Variants in ELAPOR2 observed in about 807,000 individuals in gnomAD.
The protein encoded by ELAPOR2 is endosome/lysosome-associated apoptosis and autophagy regulator family member 2.
In ELAPOR2, 89 loss-of-function variants were observed where a neutral mutation model predicts 120.7. That is an observed-to-expected ratio of 0.74 (90% CI 0.62 to 0.88). The LOEUF is 0.88. Among genes scored for constraint, ELAPOR2 ranks in the 40% least tolerant of loss-of-function variants. ELAPOR2 has a pLI of 0.00. For missense variants in ELAPOR2, 1,134 were observed against 1,251.6 expected (o/e 0.91, Z 1.42); for synonymous variants, 444 against 444.9 (o/e 1.00, Z 0.03).
intron 21 of ELAPOR2, 51 bp from the exon 22 acceptor site, chr7:86,880,581 T>G: frequency 8.6e-7 from 1 of 1,167,850 alleles, no homozygotes; most frequent in South Asian, 1.2e-5. Context: ...TCTCGTAAGA[T>G]TTTAGGATCT....
At position 87,034,120 on chromosome 7, in the gene ELAPOR2, T is replaced by C. The variant is rs981621246; in HGVS notation, c.189+25205A>G. The stretch of plus-strand genomic sequence containing the variant: ...ACATAATATTACCATTTTGTAACCA[T>C]ATGTGTACACTGATAATGAAATACA... On this transcript the variant is annotated intron_variant, in intron 1 of 21. Coordinates refer to ENST00000450689, the MANE Select transcript of ELAPOR2 (RefSeq NM_001142749.3). Among the ~76,000 whole-genome samples, 18 of 152,270 alleles carry C rather than the reference T, an allele frequency of 1.2e-4. 1 individual carries two copies. The highest frequency in any genetic ancestry group is 3.8e-4 in the African/African-American group (16 of 41,578).
chr7:87,056,956 C>G (rs569817039), intron 1 of ELAPOR2, among the ~76,000 whole-genome samples: 25 of 152,356 alleles, frequency 1.6e-4, no homozygotes, highest in African/African-American at 6.0e-4. Flanking sequence ...TCAACATTCT[C>G]TCACATTGAG....
At chr7:87,021,417 T>C (rs551333001) in intron 1 of ELAPOR2, among the ~76,000 whole-genome samples, 2 of 152,256 alleles carry the variant, frequency 1.3e-5, no homozygotes, top group African/African-American at 2.4e-5. Context: ...ATCTCTTCCA[T>C]GTAAATAAAT....
At chr7:86,963,924 T>C (rs1791810961) in intron 2 of ELAPOR2, among the ~76,000 whole-genome samples, 1 of 152,220 alleles carries the variant, frequency 6.6e-6, no homozygotes, top group Non-Finnish European at 1.5e-5. Context: ...ATTAATATCA[T>C]TCACCAAGAA....
chr7:86,940,298 A>T (rs1387100477), intron 5 of ELAPOR2, among the ~76,000 whole-genome samples, 183 bp from the exon 6 acceptor site: 1 of 152,114 alleles, frequency 6.6e-6, no homozygotes, highest in Non-Finnish European at 1.5e-5. Context: ...AAAGAAAAAA[A>T]ATGGAGTTTG....
chr7:87,026,098 G>A (rs1260962062), intron 1 of ELAPOR2, among the ~76,000 whole-genome samples: 1 of 152,026 alleles, frequency 6.6e-6, no homozygotes, highest in Admixed American at 6.6e-5. Context: ...CACTAAGAAA[G>A]CACTGAGAAA....
intron 1 of ELAPOR2, among the ~76,000 whole-genome samples, chr7:87,038,774 G>A (rs1794668028): frequency 1.3e-5 from 2 of 151,690 alleles, no homozygotes; most frequent in South Asian, 4.2e-4. Context: ...AAAACTTATG[G>A]GATACAACAA....
At chr7:86,912,530 A>C (rs926920129) in intron 14 of ELAPOR2, among the ~76,000 whole-genome samples, 1 of 152,222 alleles carries the variant, frequency 6.6e-6, no homozygotes, top group African/African-American at 2.4e-5. Flanking sequence ...ACGTAAATTT[A>C]AACAGACAGT....
Position 86,907,721 on chromosome 7 carries a change from T to C in ELAPOR2, c.2507A>G (p.Lys836Arg). The C allele has an allele frequency of 6.3e-7, 1 of 1,580,262 alleles. No homozygotes were observed. Residue 836 changes from lysine to arginine, a missense_variant, in exon 18 of 22, where the codon AAA (lysine) becomes AGA (arginine). By Grantham distance (26) the Lys-to-Arg change is conservative (BLOSUM62 2). Transcript: ENST00000450689. ...SCINGRSTAV[K>R]MRCNPTKSGA... ...AGATTTAGTAGGATTACACCTCATT[T>C]TCACAGCAGTTGATCGGCCATTAAT...
chr7:87,024,477 C>T (rs146759555), intron 1 of ELAPOR2, among the ~76,000 whole-genome samples: 2,621 of 152,064 alleles, frequency 0.017, 77 homozygotes, highest in African/African-American at 0.059. Flanking sequence ...AGTATTTTAT[C>T]GAGGATTTCT....
intron 1 of ELAPOR2, among the ~76,000 whole-genome samples, chr7:87,015,506 G>A (rs1460034280): frequency 6.6e-6 from 1 of 152,170 alleles, no homozygotes; most frequent in African/African-American, 2.4e-5. Flanking sequence ...TGAAAAATCT[G>A]GCCAGACATG....
intron 1 of ELAPOR2, among the ~76,000 whole-genome samples, chr7:87,011,050 G>A (rs1442480305): frequency 6.6e-6 from 1 of 151,996 alleles, no homozygotes; most frequent in Non-Finnish European, 1.5e-5. Flanking sequence ...GGCGGGTCAT[G>A]AGGTCAAGAG....
At chr7:87,054,831 C>T (rs944494402) in intron 1 of ELAPOR2, among the ~76,000 whole-genome samples, 2 of 152,170 alleles carry the variant, frequency 1.3e-5, no homozygotes, top group Admixed American at 1.3e-4. Context: ...AGAATTCAAT[C>T]TTCTCTCTTC....
chr7:86,908,637 G>A, intron 16 of ELAPOR2, 94 bp from the exon 17 acceptor site: 1 of 566,862 alleles, frequency 1.8e-6, no homozygotes. Flanking sequence ...TTTAATGACT[G>A]TCATTTTACA....
chr7:86,926,540 T>G (rs1019681316), intron 9 of ELAPOR2, among the ~76,000 whole-genome samples, 196 bp downstream of exon 9: 1 of 152,028 alleles, frequency 6.6e-6, no homozygotes, highest in Non-Finnish European at 1.5e-5. Flanking sequence ...AGGCTCTGGA[T>G]AGTAAGTATA....
intron 1 of ELAPOR2, among the ~76,000 whole-genome samples, chr7:87,018,978 T>C (rs1793953444): frequency 6.6e-6 from 1 of 152,118 alleles, no homozygotes; most frequent in South Asian, 2.1e-4. Flanking sequence ...AAGGGAGACT[T>C]GGAAAAACAT....
chr7:87,023,080 T>C lies in ELAPOR2; in HGVS notation c.189+36245A>G, dbSNP rs546703531. On this transcript the variant is annotated intron_variant, in intron 1 of 21. Coordinates refer to ENST00000450689, the MANE Select transcript of ELAPOR2 (RefSeq NM_001142749.3). ...GCTCTTTAGTTTAATTAGATCCCAT[T>C]TGTCAATTTTGGCTTTTGTTGCCAT... 4.5e-3 allele frequency among the ~76,000 whole-genome samples: 690 copies of C among 152,306 alleles called. 5 individuals are homozygous for C. Among genetic ancestry groups the C allele is most frequent in the African/African-American group, 0.015 (615 of 41,560 alleles).
intron 1 of ELAPOR2, among the ~76,000 whole-genome samples, chr7:87,049,933 G>T (rs1023401408): frequency 2.6e-5 from 4 of 152,186 alleles, no homozygotes; most frequent in East Asian, 1.9e-4. Context: ...TGGCATTACT[G>T]CAGGAATAGG....
chr7:86,961,211 G>A (rs113023351), intron 2 of ELAPOR2, among the ~76,000 whole-genome samples: 15 of 152,220 alleles, frequency 9.9e-5, no homozygotes, highest in African/African-American at 3.6e-4. Context: ...GACTATGACT[G>A]ATTTGATCCT....
Sources: gnomAD v4.1 joint callset for allele counts (sites outside exome capture counted in the v4.1 genomes callset) on GRCh38, gnomAD v4.1.1 for gene constraint, MANE v1.5 for transcripts, NCBI Gene and HGNC (gene_info 2026-07-23, HGNC 2026-07-21) for gene names.